Variants in WDR11 observed in about 807,000 individuals in gnomAD.
The protein encoded by WDR11 is WD repeat domain 11.
WDR11 carries 83 observed loss-of-function variants against 151.2 expected under a neutral mutation model. The observed-to-expected ratio is 0.55, with a 90% CI of 0.46 to 0.66. The LOEUF (loss-of-function observed/expected upper bound fraction) is 0.66, where lower values mean the gene tolerates loss of function less well. Ranked by LOEUF, WDR11 falls within the 30% of genes least tolerant of loss-of-function variation. WDR11 has a pLI of 0.00. For missense variants in WDR11, 1,301 were observed against 1,480.9 expected, an observed-to-expected ratio of 0.88 and a Z score of 1.99; for synonymous variants, 484 against 533.1, an observed-to-expected ratio of 0.91 and a Z score of 1.27.
At position 120,900,013 on chromosome 10, in the gene WDR11, T is replaced by C; in HGVS notation, c.2516-16T>C. The C allele has an allele frequency of 6.2e-7, 1 of 1,603,964 alleles. No homozygotes were observed. On this transcript the variant is annotated splice_polypyrimidine_tract_variant and intron_variant, in intron 19 of 28. Coordinates refer to ENST00000263461, the MANE Select transcript of WDR11 (RefSeq NM_018117.12). ...AAACTTCATTTTATTTTTAAAAACC[T>C]TTCTTTGTTGTCTAGAGCCTGTGTG...
In WDR11 at chr10:120,858,492, G is replaced by A. The variant is rs2133731280; in HGVS notation, c.199-151G>A. The A allele has an allele frequency of 6.6e-6, 6 of 913,870 alleles. No homozygotes were observed. In the South Asian group the frequency reaches 9.7e-5, roughly 15 times the overall value. The allele number at this position is 913,870 out of a possible 1,614,324, so 56.6% of individuals were successfully genotyped here. A position where few individuals can be genotyped will look rare whatever the true frequency, so the allele number is the denominator to read the frequency against. Reference sequence around the variant, plus strand: ...TATCTACCAAAGTAACACAAATGCTGCCTTCAAAATGAAAACCAGTTTTCT... The same window carrying A: ...TATCTACCAAAGTAACACAAATGCTACCTTCAAAATGAAAACCAGTTTTCT... On this transcript the variant is annotated intron_variant, in intron 2 of 28. Transcript: ENST00000263461.
chr10:120,908,328 G>A, intron 28 of WDR11: 1 of 549,670 alleles, frequency 1.8e-6, no homozygotes, highest in Non-Finnish European at 3.3e-6. Context: ...GACTCAGCTG[G>A]TACGAAAGGT....
Position 120,890,087 on chromosome 10 carries a change from T to C in WDR11, c.2343+78T>C, listed in dbSNP as rs988910704. On this transcript the variant is annotated intron_variant, in intron 18 of 28. Coordinates refer to ENST00000263461, the MANE Select transcript of WDR11 (RefSeq NM_018117.12). Reference sequence around the variant, plus strand: ...TGTGCTTTGTTAAAAAACTTCTTTCTGATTTAGAAATGAAAAGTACTTAAT... The same window carrying C: ...TGTGCTTTGTTAAAAAACTTCTTTCCGATTTAGAAATGAAAAGTACTTAAT... The C allele has an allele frequency of 3.9e-6, 4 of 1,019,164 alleles. No homozygotes were observed. The African/African-American group carries it at 6.4e-5, about 16-fold the overall frequency. The allele number at this position is 1,019,164 out of a possible 1,614,324, so 63.1% of individuals were successfully genotyped here. A position where few individuals can be genotyped will look rare whatever the true frequency, so the allele number is the denominator to read the frequency against.
intron 12 of WDR11, chr10:120,880,250 CTG>C (rs780407528): frequency 1.3e-5 from 2 of 152,186 alleles, no homozygotes; most frequent in African/African-American, 4.8e-5. Flanking sequence ...ATTCAAGAAA[CTG>C]TGTGACAAAT....
intron 13 of WDR11, 58 bp from the exon 14 acceptor site, chr10:120,883,722 T>C: frequency 6.9e-7 from 1 of 1,453,014 alleles, no homozygotes; most frequent in South Asian, 1.1e-5. Context: ...TTATTTGCTC[T>C]AATTCATGGT....
chr10:120,908,379 AAT>A, intron 28 of WDR11, 175 bp from the exon 29 acceptor site: 1 of 666,780 alleles, frequency 1.5e-6, no homozygotes, highest in Non-Finnish European at 2.7e-6. Context: ...TATGGCCGGG[AAT>A]CACCCTCTGC....
At chr10:120,885,282 T>C (rs1550348) in intron 14 of WDR11, among the ~76,000 whole-genome samples, 52,596 of 142,848 alleles carry the variant, frequency 0.37, 9,249 homozygotes, top group Admixed American at 0.44. Context: ...TATATATATA[T>C]ATATACACAC....
chr10:120,898,289 CACAA>C (rs1166238981), intron 19 of WDR11, among the ~76,000 whole-genome samples: 6 of 152,132 alleles, frequency 3.9e-5, no homozygotes, highest in Admixed American at 1.3e-4. Context: ...AAATTTTCAG[CACAA>C]ACAGTTAAGC....
At chr10:120,876,276 G>A (rs1453316902) in intron 11 of WDR11, among the ~76,000 whole-genome samples, 1 of 152,112 alleles carries the variant, frequency 6.6e-6, no homozygotes, top group African/African-American at 2.4e-5. Context: ...CACCGCGCCA[G>A]GCCAGGTTAA....
At chr10:120,908,428 G>A (rs576636614) in intron 28 of WDR11, 128 bp from the exon 29 acceptor site, 144 of 956,634 alleles carry the variant, frequency 1.5e-4, no homozygotes, top group African/African-American at 1.3e-3. Context: ...TGTGCTGCCC[G>A]CTGTGGACAC....
intron 21 of WDR11, among the ~76,000 whole-genome samples, chr10:120,901,597 C>T (rs561226703): frequency 5.5e-4 from 83 of 152,252 alleles, no homozygotes; most frequent in Non-Finnish European, 1.5e-4. Context: ...AAATATGGGT[C>T]TACAAGGAGT....
chr10:120,863,059 A>T (rs1846193787), intron 5 of WDR11, 138 bp downstream of exon 5: 1 of 670,666 alleles, frequency 1.5e-6, no homozygotes, highest in Non-Finnish European at 2.5e-6. Context: ...GAGGAAAAAA[A>T]TATTTATTTT....
rs1057464615 is a variant in WDR11, at chr10:120,852,597, C to T, written c.160C>T (p.Leu54Phe). 6.2e-7 allele frequency: 1 copy of T among 1,613,994 alleles called. No homozygotes were observed. Among genetic ancestry groups the T allele is most frequent in the Non-Finnish European group, 8.5e-7 (1 of 1,179,966 alleles). ...VVIDSITAQT[L>F]QVLEKHKADV... Reference sequence around the variant, plus strand: ...GATTGATTCCATTACTGCCCAAACTCTTCAAGTTTTAGAAAAGCATAAAGC... The same window carrying T: ...GATTGATTCCATTACTGCCCAAACTTTTCAAGTTTTAGAAAAGCATAAAGC... Residue 54 changes from leucine to phenylalanine, a missense_variant, in exon 2 of 29, where the codon CTT (leucine) becomes TTT (phenylalanine). By Grantham distance (22) the Leu-to-Phe change is conservative (BLOSUM62 0). Transcript: ENST00000263461.
chr10:120,905,550 A>C, intron 26 of WDR11, 134 bp downstream of exon 26: 1 of 937,826 alleles, frequency 1.1e-6, no homozygotes, highest in Non-Finnish European at 1.7e-6. Flanking sequence ...TGGAACCTTT[A>C]TCCTTTTCCT....
intron 19 of WDR11, 122 bp downstream of exon 19, chr10:120,891,009 T>C: frequency 9.4e-7 from 1 of 1,064,394 alleles, no homozygotes; most frequent in Non-Finnish European, 1.4e-6. Context: ...AGAATCTGAG[T>C]TTAAGAAAAT....
chr10:120,863,416 T>C (rs1486133710), intron 5 of WDR11, among the ~76,000 whole-genome samples: 1 of 152,216 alleles, frequency 6.6e-6, no homozygotes, highest in African/African-American at 2.4e-5. Context: ...TTCTTTAATC[T>C]TACTCAAATT....
At chr10:120,884,386 A>G (rs79840676) in intron 14 of WDR11, among the ~76,000 whole-genome samples, 69 of 152,344 alleles carry the variant, frequency 4.5e-4, no homozygotes, top group African/African-American at 1.5e-3. Context: ...CACAAATCAA[A>G]GAGGATGGAC....
At position 120,872,269 on chromosome 10, in the gene WDR11, G is replaced by T. The variant is rs531901308; in HGVS notation, c.1471+923G>T. On this transcript the variant is annotated intron_variant, in intron 10 of 28. Transcript: ENST00000263461. ...TTTTATGATTCAATTGTCTATATAT[G>T]TGTCCCGATTTATATAATGCAGATA... Among the ~76,000 whole-genome samples the T allele has an allele frequency of 3.0e-4, 46 of 152,228 alleles. No individual in the cohort carries two copies. In the South Asian group the frequency reaches 5.8e-3, roughly 19 times the overall value.
intron 9 of WDR11, among the ~76,000 whole-genome samples, chr10:120,870,525 G>A (rs574350662): frequency 6.6e-6 from 1 of 152,106 alleles, no homozygotes; most frequent in Non-Finnish European, 1.5e-5. Flanking sequence ...ACCTAAGTAC[G>A]AATGGTATAT....
Sources: allele counts gnomAD v4.1 joint callset (sites outside exome capture counted in the v4.1 genomes callset), GRCh38; gene constraint gnomAD v4.1.1; transcripts MANE v1.5; gene names NCBI Gene and HGNC (gene_info 2026-07-23, HGNC 2026-07-21).